The following FBXL17 variants were observed in gnomAD, a reference collection of about 807,000 sequenced individuals.
FBXL17 encodes the protein F-box and leucine rich repeat protein 17.
Under a neutral mutation model 66.2 loss-of-function variants are expected in FBXL17, and 22 were observed. The observed-to-expected ratio is 0.33, with a 90% CI of 0.24 to 0.47. The LOEUF (loss-of-function observed/expected upper bound fraction) is 0.47, where lower values mean the gene tolerates loss of function less well. Ranked by LOEUF, FBXL17 falls within the 20% of genes least tolerant of loss-of-function variation. The probability of loss-of-function intolerance (pLI) is 1.00; values close to 1 mark genes in which losing one functional copy is unlikely to be tolerated. For synonymous variants in FBXL17, 474 were observed against 400.5 expected, an observed-to-expected ratio of 1.18 and a Z score of -2.19; for missense variants, 878 against 948.2, an observed-to-expected ratio of 0.93 and a Z score of 0.97.
chr5:108,317,860 G>C (rs145641080), intron 4 of FBXL17, among the ~76,000 whole-genome samples: 1 of 151,474 alleles, frequency 6.6e-6, no homozygotes, highest in African/African-American at 2.4e-5. Context: ...CATACATAAT[G>C]AATCAATCAT....
At chr5:108,326,263 A>G (rs558010549) in intron 4 of FBXL17, among the ~76,000 whole-genome samples, 38 of 152,206 alleles carry the variant, frequency 2.5e-4, no homozygotes, top group African/African-American at 3.9e-4. Flanking sequence ...TAGAACTCTT[A>G]TAACATGTAA....
chr5:108,037,623 A>G (rs985248743), intron 6 of FBXL17, among the ~76,000 whole-genome samples: 11 of 152,196 alleles, frequency 7.2e-5, no homozygotes, highest in African/African-American at 2.2e-4. Flanking sequence ...CCACAGACTC[A>G]GCAGTCTGAG....
At chr5:108,021,516 C>A (rs559628943) in intron 6 of FBXL17, among the ~76,000 whole-genome samples, 1 of 151,506 alleles carries the variant, frequency 6.6e-6, no homozygotes, top group South Asian at 2.1e-4. Context: ...AAAATATACA[C>A]ACATAACTTT....
At chr5:107,953,941 A>G (rs559869894) in intron 7 of FBXL17, among the ~76,000 whole-genome samples, 18 of 152,356 alleles carry the variant, frequency 1.2e-4, no homozygotes, top group African/African-American at 4.1e-4. Flanking sequence ...TTAATCATAT[A>G]TCTTACTGTG....
intron 7 of FBXL17, among the ~76,000 whole-genome samples, chr5:107,966,707 T>G (rs986975379): frequency 9.2e-5 from 14 of 152,126 alleles, no homozygotes; most frequent in African/African-American, 3.4e-4. Flanking sequence ...ATTGGCCATG[T>G]TAACTGTTTT....
intron 7 of FBXL17, among the ~76,000 whole-genome samples, chr5:107,955,197 A>G (rs1751622236): frequency 6.6e-6 from 1 of 152,114 alleles, no homozygotes; most frequent in Non-Finnish European, 1.5e-5. Flanking sequence ...TTATAAATAA[A>G]TTAACATTAA....
intron 7 of FBXL17, among the ~76,000 whole-genome samples, chr5:108,015,898 ATTC>A (rs1754367448): frequency 6.6e-6 from 1 of 151,830 alleles, no homozygotes; most frequent in African/African-American, 2.4e-5. Context: ...ACTCCCTGCT[ATTC>A]TTGTCTGGAA....
At chr5:108,124,224 A>G (rs1156626067) in intron 6 of FBXL17, among the ~76,000 whole-genome samples, 1 of 152,130 alleles carries the variant, frequency 6.6e-6, no homozygotes, top group Non-Finnish European at 1.5e-5. Context: ...GAAGAAGAAA[A>G]GGCATTTATA....
chr5:107,993,094 AC>A (rs1753323985), intron 7 of FBXL17, among the ~76,000 whole-genome samples: 1 of 152,036 alleles, frequency 6.6e-6, no homozygotes, highest in South Asian at 2.1e-4. Flanking sequence ...ACGGGGTTTC[AC>A]CATGTTAGCC....
At chr5:108,143,004 A>AATAATAATAATAATAATAAT in intron 6 of FBXL17, among the ~76,000 whole-genome samples, 1 of 61,458 alleles carries the variant, frequency 1.6e-5, no homozygotes. Context: ...ATAATAATAA[A>AATAATAATAATAATAATAAT]AGATTCTCAC....
rs1168596473 is a variant in FBXL17 at position 108,298,134 on chromosome 5, T to C, written c.1506+50265A>G. ...AATTTACTATTATATAACTAATTTG[T>C]TTTTCTTTTTAGGGAGCAAGAAACA... On this transcript the variant is annotated intron_variant, in intron 4 of 8. Coordinates refer to ENST00000542267, the MANE Select transcript of FBXL17 (RefSeq NM_001163315.3). 3.1e-6 allele frequency: 3 copies of C among 971,192 alleles called. No individual in the cohort carries two copies. In the East Asian group the frequency reaches 3.4e-4, roughly 111 times the overall value. 60.2% of individuals were successfully genotyped at this position (971,192 alleles called of 1,614,324 possible). A position where few individuals can be genotyped will look rare whatever the true frequency, so the allele number is the denominator to read the frequency against.
intron 7 of FBXL17, among the ~76,000 whole-genome samples, chr5:107,955,336 T>G (rs1034621029): frequency 3.3e-5 from 5 of 152,122 alleles, no homozygotes; most frequent in African/African-American, 1.2e-4. Context: ...TAGCATAAGT[T>G]TGAGATTTTT....
chr5:108,063,292 T>G (rs997309426), intron 6 of FBXL17, among the ~76,000 whole-genome samples: 2 of 152,132 alleles, frequency 1.3e-5, no homozygotes, highest in African/African-American at 2.4e-5. Flanking sequence ...TTATTTGGAG[T>G]GCTCCAAGAA....
intron 6 of FBXL17, among the ~76,000 whole-genome samples, chr5:108,126,651 C>CTCTCTCTCTCTCTCTATA (rs1554067324): frequency 9.3e-6 from 1 of 108,038 alleles, no homozygotes; most frequent in African/African-American, 3.1e-5. Context: ...CTCTCTCTCT[C>CTCTCTCTCTCTCTCTATA]TATATATATA....
chr5:108,281,707 A>T (rs1198552736), intron 4 of FBXL17, among the ~76,000 whole-genome samples: 1 of 151,924 alleles, frequency 6.6e-6, no homozygotes, highest in African/African-American at 2.4e-5. Context: ...AATGTAACAG[A>T]GACTTTAAAA....
At position 108,231,130 on chromosome 5, in the gene FBXL17, T is replaced by A. The variant is rs141028685; in HGVS notation, c.1507-6902A>T. 2.0e-3 allele frequency among the ~76,000 whole-genome samples: 300 copies of A among 152,282 alleles called. 1 individual carries two copies. Among genetic ancestry groups the A allele is most frequent in the African/African-American group, 7.0e-3 (291 of 41,578 alleles). On this transcript the variant is annotated intron_variant, in intron 4 of 8. Transcript: ENST00000542267. ...CAAAAACTAAATGGCTATGCCATAA[T>A]CCAAGCACTACGCATAATTTTTAAA...
intron 6 of FBXL17, among the ~76,000 whole-genome samples, chr5:108,115,821 T>C (rs932045215): frequency 6.6e-6 from 1 of 152,148 alleles, no homozygotes; most frequent in Non-Finnish European, 1.5e-5. Flanking sequence ...CCCCAAGATA[T>C]CTTCTCATCT....
intron 8 of FBXL17, chr5:107,878,830 G>A: frequency 1.0e-6 from 1 of 985,498 alleles, no homozygotes; most frequent in South Asian, 4.7e-5. Context: ...TAAGTCTGAG[G>A]AAGCCAGACA....
intron 6 of FBXL17, among the ~76,000 whole-genome samples, chr5:108,158,547 ACATGTGCATC>A (rs1253549026): frequency 6.6e-6 from 1 of 151,406 alleles, no homozygotes; most frequent in Non-Finnish European, 1.5e-5. Context: ...CCACATTTGC[ACATGTGCATC>A]CATGTGCCCA....
Sources: allele counts gnomAD v4.1 joint callset (sites outside exome capture counted in the v4.1 genomes callset), GRCh38; gene constraint gnomAD v4.1.1; transcripts MANE v1.5; gene names NCBI Gene and HGNC (gene_info 2026-07-23, HGNC 2026-07-21).